Variants in NEK7 observed in about 807,000 individuals in gnomAD.
NEK7 encodes the protein NIMA related kinase 7.
A neutral mutation model predicts 44.6 loss-of-function variants in NEK7; 18 were observed. The ratio of observed to expected loss-of-function variants is 0.40; its 90% CI spans 0.28 to 0.60. The LOEUF is 0.60. NEK7 is among the 20% of genes least tolerant of loss of function. The pLI is 0.38. For synonymous variants in NEK7, 130 were observed against 121.1 expected (o/e 1.07, Z -0.48); for missense variants, 256 against 366.5 (o/e 0.70, Z 2.46).
At chr1:198,301,338 C>G (rs1362419177) in intron 9 of NEK7, among the ~76,000 whole-genome samples, 1 of 152,158 alleles carries the variant, frequency 6.6e-6, no homozygotes, top group Non-Finnish European at 1.5e-5. Context: ...ATCACGAAGT[C>G]AGGAGATCGA....
intron 2 of NEK7, among the ~76,000 whole-genome samples, chr1:198,233,765 T>TA (rs1383885138): frequency 1.3e-5 from 2 of 150,556 alleles, no homozygotes; most frequent in African/African-American, 4.9e-5. Context: ...TTTTTTTTTT[T>TA]AGTGCATCTA....
At chr1:198,266,731 TTATA>T (rs1405177496) in intron 5 of NEK7, among the ~76,000 whole-genome samples, 4 of 152,182 alleles carry the variant, frequency 2.6e-5, no homozygotes, top group Non-Finnish European at 1.5e-5. Flanking sequence ...TATAGTATGT[TTATA>T]TATATACTTT....
chr1:198,230,634 C>G (rs1666360589), intron 1 of NEK7, among the ~76,000 whole-genome samples: 1 of 151,974 alleles, frequency 6.6e-6, no homozygotes, highest in African/African-American at 2.4e-5. Context: ...GATGTCTGCT[C>G]TCTACTTCTA....
chr1:198,286,124 A>G (rs969683310), intron 7 of NEK7, among the ~76,000 whole-genome samples: 2 of 152,110 alleles, frequency 1.3e-5, no homozygotes, highest in African/African-American at 4.8e-5. Flanking sequence ...CATTTATAAT[A>G]AAAAATAGTT....
At chr1:198,196,635 C>T (rs755163958) in intron 1 of NEK7, among the ~76,000 whole-genome samples, 2 of 152,152 alleles carry the variant, frequency 1.3e-5, no homozygotes, top group Non-Finnish European at 2.9e-5. Context: ...CGAACTTTTT[C>T]TCATAAAGAA....
At chr1:198,173,556 T>C (rs1664513954) in intron 1 of NEK7, among the ~76,000 whole-genome samples, 1 of 152,182 alleles carries the variant, frequency 6.6e-6, no homozygotes, top group Non-Finnish European at 1.5e-5. Context: ...GGTATTTTTC[T>C]TGTCAACATA....
intron 1 of NEK7, among the ~76,000 whole-genome samples, chr1:198,169,070 G>C (rs1664352723): frequency 6.6e-6 from 1 of 152,172 alleles, no homozygotes; most frequent in Non-Finnish European, 1.5e-5. Context: ...ATAATTTATA[G>C]TTTAAAAGTA....
chr1:198,204,941 T>C (rs900584088), intron 1 of NEK7, among the ~76,000 whole-genome samples: 3 of 152,130 alleles, frequency 2.0e-5, no homozygotes, highest in Admixed American at 6.5e-5. Flanking sequence ...CAATTTTCCT[T>C]CTTCTTTTAA....
At chr1:198,252,872 G>A (rs1198436039) in intron 2 of NEK7, among the ~76,000 whole-genome samples, 168 bp from the exon 3 acceptor site, 3 of 151,892 alleles carry the variant, frequency 2.0e-5, no homozygotes, top group African/African-American at 4.8e-5. Context: ...TGTATCGTCA[G>A]TGTGTAGGAC....
chr1:198,234,452 G>T (rs1359486598), intron 2 of NEK7, among the ~76,000 whole-genome samples: 1 of 151,964 alleles, frequency 6.6e-6, no homozygotes, highest in Non-Finnish European at 1.5e-5. Context: ...ATTATTTCCA[G>T]CAAAGGCAAT....
intron 2 of NEK7, among the ~76,000 whole-genome samples, chr1:198,248,036 C>T (rs1039613809): frequency 9.9e-5 from 15 of 152,000 alleles, no homozygotes; most frequent in African/African-American, 3.4e-4. Context: ...TAGCCTGGCC[C>T]CACAAGAATG....
chr1:198,317,877 ATTTTTTT>A (rs34704209), intron 9 of NEK7, among the ~76,000 whole-genome samples: 2 of 70,268 alleles, frequency 2.8e-5, no homozygotes, highest in African/African-American at 6.3e-5. Context: ...GGATATATTT[ATTTTTTT>A]TTTTTTTTTT....
At chr1:198,184,748 G>A (rs933563769) in intron 1 of NEK7, among the ~76,000 whole-genome samples, 4 of 151,822 alleles carry the variant, frequency 2.6e-5, no homozygotes, top group Admixed American at 6.6e-5. Flanking sequence ...GACTCACTGC[G>A]GCTTCGAACT....
intron 1 of NEK7, among the ~76,000 whole-genome samples, chr1:198,199,192 TAGA>T: frequency 6.6e-6 from 1 of 152,358 alleles, no homozygotes; most frequent in African/African-American, 2.4e-5. Context: ...GCAAGATGGA[TAGA>T]AGAACCTGAA....
chr1:198,164,756 G>A (rs964062773), intron 1 of NEK7, among the ~76,000 whole-genome samples: 28 of 152,282 alleles, frequency 1.8e-4, no homozygotes, highest in African/African-American at 6.5e-4. Flanking sequence ...CTGAAGGCTG[G>A]TGGCTGTGTC....
chr1:198,161,865 T>C (rs1408218089), intron 1 of NEK7, among the ~76,000 whole-genome samples: 1 of 152,012 alleles, frequency 6.6e-6, no homozygotes, highest in Non-Finnish European at 1.5e-5. Context: ...CTTACTCATA[T>C]GTTTCTTTGT....
chr1:198,228,658 G>T (rs1330693321), intron 1 of NEK7, among the ~76,000 whole-genome samples: 1 of 151,950 alleles, frequency 6.6e-6, no homozygotes, highest in African/African-American at 2.4e-5. Flanking sequence ...CTCATGATTT[G>T]GCTCTCTGTT....
chr1:198,237,184 T>C (rs1204809574), intron 2 of NEK7, among the ~76,000 whole-genome samples: 1 of 152,202 alleles, frequency 6.6e-6, no homozygotes, highest in Non-Finnish European at 1.5e-5. Context: ...TCTCACCTTC[T>C]GAGAAGGTGA....
chr1:198,166,316 A>G (rs1489211131), intron 1 of NEK7, among the ~76,000 whole-genome samples: 17 of 152,266 alleles, frequency 1.1e-4, no homozygotes, highest in Non-Finnish European at 1.2e-4. Context: ...AGCTTCAGCA[A>G]CCACTGATAA....
Sources: gnomAD v4.1 joint callset for allele counts (sites outside exome capture counted in the v4.1 genomes callset) on GRCh38, gnomAD v4.1.1 for gene constraint, MANE v1.5 for transcripts, NCBI Gene and HGNC (gene_info 2026-07-23, HGNC 2026-07-21) for gene names.